C6orf132: variants seen among roughly 807,000 people sequenced by gnomAD.
C6orf132 encodes uncharacterized protein C6orf132.
C6orf132 carries 43 observed loss-of-function variants against 65.3 expected under a neutral mutation model. That is an observed-to-expected ratio of 0.66 (90% confidence interval 0.52 to 0.85). The LOEUF is 0.85. Among genes scored for constraint, C6orf132 ranks in the 40% least tolerant of loss-of-function variants. The pLI, the probability that C6orf132 is intolerant of heterozygous loss-of-function variation, is 0.00. For synonymous variants in C6orf132, 631 were observed against 654.1 expected (o/e 0.96, Z 0.54); for missense variants, 1,488 against 1,548.8 (o/e 0.96, Z 0.66).
intron 2 of C6orf132, among the ~76,000 whole-genome samples, chr6:42,122,215 C>T (rs1766699615): frequency 6.6e-6 from 1 of 152,220 alleles, no homozygotes; most frequent in Non-Finnish European, 1.5e-5. Flanking sequence ...CAGGTTACCA[C>T]AGCTTCTGCC....
intron 1 of C6orf132, among the ~76,000 whole-genome samples, chr6:42,131,706 C>T (rs1050124003): frequency 6.6e-6 from 1 of 152,208 alleles, no homozygotes; most frequent in Admixed American, 6.5e-5. Context: ...CGTCTGACCC[C>T]CAAGCAGGCG....
rs1766417748 is a variant in C6orf132 at position 42,106,819 on chromosome 6, C to T, written c.1093G>A (p.Glu365Lys). The T allele has an allele frequency of 1.3e-6, 2 of 1,535,180 alleles. No individual in the cohort carries two copies. Among genetic ancestry groups the T allele is most frequent in the Non-Finnish European group, 1.7e-6 (2 of 1,146,700 alleles). Residue 365 changes from glutamate (E) to lysine (K), a missense_variant, in exon 4 of 5, where the codon GAG (glutamate) becomes AAG (lysine). Glu to Lys is a moderately conservative substitution (Grantham distance 56). Transcript: ENST00000341865. The stretch of plus-strand genomic sequence containing the variant: ...CTGGCTGGTGCTGTGGCCTTGAGCT[C>T]CCCAGGGCAGTCTGGCTCGGGGGCC... ...DRAPEPDCPG[E>K]LKATAPASPR...
At chr6:42,136,893 C>CA (rs1562043064) in intron 1 of C6orf132, among the ~76,000 whole-genome samples, 1 of 152,156 alleles carries the variant, frequency 6.6e-6, no homozygotes, top group Non-Finnish European at 1.5e-5. Context: ...GCCGCCCCCC[C>CA]AGCCCTGCAG....
chr6:42,107,413 G>GT lies in C6orf132; in HGVS notation c.498dup (p.Pro167ThrfsTer47). The GT allele has an allele frequency of 6.7e-7, 1 of 1,495,956 alleles. No homozygotes were observed. Among genetic ancestry groups the GT allele is most frequent in the Non-Finnish European group, 9.0e-7 (1 of 1,112,302 alleles). 92.7% of individuals were successfully genotyped at this position (1,495,956 alleles called of 1,614,324 possible). A position where few individuals can be genotyped will look rare whatever the true frequency, so the allele number is the denominator to read the frequency against. ...GGAGGTGGTGGGGGTGCTGTGGAAGGTGGAGATGGCAGTGGCGACCCCCCT... is the reference window on the plus strand; with the variant it reads ...GGAGGTGGTGGGGGTGCTGTGGAAGGTTGGAGATGGCAGTGGCGACCCCCCT... On this transcript the variant is annotated frameshift_variant, in exon 4 of 5. Transcript: ENST00000341865. LOFTEE classifies it high-confidence loss of function.
intron 2 of C6orf132, among the ~76,000 whole-genome samples, chr6:42,120,058 C>T (rs1306454396): frequency 5.9e-5 from 9 of 151,692 alleles, no homozygotes. Flanking sequence ...CATGCCATTG[C>T]ACCCCAGCCT....
At chr6:42,138,045 G>A (rs548440195) in intron 1 of C6orf132, among the ~76,000 whole-genome samples, 275 of 152,276 alleles carry the variant, frequency 1.8e-3, no homozygotes, top group Non-Finnish European at 2.7e-3. Context: ...GCAACGGATC[G>A]AGACTCCGTC....
In C6orf132 at chr6:42,133,824, GGGGGCGGGGC is replaced by G. The variant is rs144503495; in HGVS notation, c.146-5056_146-5047del. Among the ~76,000 whole-genome samples the G allele has an allele frequency of 1.0e-3, 98 of 97,652 alleles. 3 individuals carry two copies. The South Asian group carries it at 0.029, about 28-fold the overall frequency. The allele number at this position is 97,652 out of a possible 152,430, so 64.1% of individuals were successfully genotyped here. A position where few individuals can be genotyped will look rare whatever the true frequency, so the allele number is the denominator to read the frequency against. ...CTCCCTCATAGAAGGAGACAGGGGC[GGGGGCGGGGC>G]GGGGCGGGGCGGGGGAGGTGGATTT... On this transcript the variant is annotated intron_variant, in intron 1 of 4. Coordinates refer to ENST00000341865, the MANE Select transcript of C6orf132 (RefSeq NM_001164446.3).
At chr6:42,108,998 A>C (rs1455057509) in intron 3 of C6orf132, among the ~76,000 whole-genome samples, 1 of 152,146 alleles carries the variant, frequency 6.6e-6, no homozygotes, top group Non-Finnish European at 1.5e-5. Flanking sequence ...AAAACAAAAA[A>C]CAGACAAACA....
chr6:42,125,380 T>G (rs1766748124), intron 2 of C6orf132, among the ~76,000 whole-genome samples: 1 of 152,174 alleles, frequency 6.6e-6, no homozygotes, highest in African/African-American at 2.4e-5. Flanking sequence ...AGGGTGGCTT[T>G]GTTAACACAC....
chr6:42,104,387 A>G lies in C6orf132; in HGVS notation c.3449+76T>C. ...AAAACCAAATGTTTTCTCTTGACGG[A>G]TGGCCGGGACTCCTTGGCCCTCGCC... On this transcript the variant is annotated intron_variant, in intron 4 of 4. Transcript: ENST00000341865. This position sits in a 1 kb window ranked among gnomAD's most constrained non-coding sequence, Gnocchi z 4.1. 6 of 1,226,318 alleles carry G rather than the reference A, an allele frequency of 4.9e-6. No individual in the cohort carries two copies. Among genetic ancestry groups the G allele is most frequent in the Non-Finnish European group, 6.1e-6 (6 of 984,848 alleles). 76.0% of individuals were successfully genotyped at this position (1,226,318 alleles called of 1,614,324 possible). A position where few individuals can be genotyped will look rare whatever the true frequency, so the allele number is the denominator to read the frequency against.
intron 2 of C6orf132, among the ~76,000 whole-genome samples, chr6:42,112,600 C>T (rs1766511870): frequency 1.3e-5 from 2 of 152,210 alleles, no homozygotes; most frequent in Non-Finnish European, 2.9e-5. Flanking sequence ...CCCCTGTCCG[C>T]ACCACACTGA....
At chr6:42,120,515 G>C (rs1766664702) in intron 2 of C6orf132, among the ~76,000 whole-genome samples, 1 of 151,928 alleles carries the variant, frequency 6.6e-6, no homozygotes, top group African/African-American at 2.4e-5. Flanking sequence ...CAAAGTGCTG[G>C]GATTACAGGC....
At chr6:42,127,170 G>T (rs914679875) in intron 2 of C6orf132, among the ~76,000 whole-genome samples, 1 of 152,146 alleles carries the variant, frequency 6.6e-6, no homozygotes, top group African/African-American at 2.4e-5. Context: ...GCCCAGGCTA[G>T]TCTTGAACTC....
rs138084611 is a variant in C6orf132 at position 42,120,624 on chromosome 6, G to A, written c.252+8048C>T. Among the ~76,000 whole-genome samples, 990 of 151,280 alleles carry A rather than the reference G, an allele frequency of 6.5e-3. 14 individuals are homozygous for A. Among genetic ancestry groups the A allele is most frequent in the African/African-American group, 0.023 (943 of 41,244 alleles). On this transcript the variant is annotated intron_variant, in intron 2 of 4. Coordinates refer to ENST00000341865, the MANE Select transcript of C6orf132 (RefSeq NM_001164446.3). ...CAATACAATAATAGTGTGTTTTTTGGGGTTTTTTGTTTTTGTTTTTTGAGA... is the reference window on the plus strand; with the variant it reads ...CAATACAATAATAGTGTGTTTTTTGAGGTTTTTTGTTTTTGTTTTTTGAGA...
Position 42,107,307 on chromosome 6 carries a change from G to T in C6orf132, c.605C>A (p.Thr202Asn). Residue 202 changes from threonine (T) to asparagine (N), a missense_variant, in exon 4 of 5, where the codon ACT becomes AAT. Thr to Asn is a moderately conservative substitution (Grantham distance 65, BLOSUM62 0). Coordinates refer to ENST00000341865, the MANE Select transcript of C6orf132 (RefSeq NM_001164446.3). ...PVLEALSPPH[T>N]LSSPSIPTPP... ...GGTGGGTATGGATGGGGAGGAAAGA[G>T]TGTGTGGTGGGGATAGGGCCTCCAA... is the stretch of plus-strand genomic sequence containing the variant. 1.5e-6 allele frequency: 2 copies of T among 1,373,904 alleles called. No homozygotes were observed. Among genetic ancestry groups the T allele is most frequent in the Non-Finnish European group, 1.9e-6 (2 of 1,049,706 alleles). The allele number at this position is 1,373,904 out of a possible 1,614,324, so 85.1% of individuals were successfully genotyped here. A position where few individuals can be genotyped will look rare whatever the true frequency, so the allele number is the denominator to read the frequency against.
intron 1 of C6orf132, among the ~76,000 whole-genome samples, chr6:42,137,813 G>A (rs1307373984): frequency 1.5e-5 from 2 of 136,240 alleles, no homozygotes; most frequent in Non-Finnish European, 3.3e-5. Flanking sequence ...GCCGAGGCAG[G>A]GGCGGGGGCG....
chr6:42,140,491 T>C (rs1767015288), intron 1 of C6orf132, among the ~76,000 whole-genome samples: 1 of 152,212 alleles, frequency 6.6e-6, no homozygotes, highest in Non-Finnish European at 1.5e-5. Flanking sequence ...GCAAACCCGC[T>C]AAGAGTGTGA....
rs36124736 is a variant in C6orf132 at position 42,119,341 on chromosome 6, C to CTTTTT, written c.253-9055_253-9051dup. On this transcript the variant is annotated intron_variant, in intron 2 of 4. Coordinates refer to ENST00000341865, the MANE Select transcript of C6orf132 (RefSeq NM_001164446.3). Reference sequence around the variant, plus strand: ...CAAGCCACCATGCCCAGCTTTCCAGCTTTTTTTTTTTTTTTTTTTTTGAGA... The same window carrying CTTTTT: ...CAAGCCACCATGCCCAGCTTTCCAGCTTTTTTTTTTTTTTTTTTTTTTTTTTGAGA... Among the ~76,000 whole-genome samples, 12 of 78,214 alleles carry CTTTTT rather than the reference C, an allele frequency of 1.5e-4. 1 individual carries two copies. Among genetic ancestry groups the CTTTTT allele is most frequent in the African/African-American group, 2.2e-4 (4 of 18,302 alleles). 51.3% of individuals were successfully genotyped at this position (78,214 alleles called of 152,430 possible). A position where few individuals can be genotyped will look rare whatever the true frequency, so the allele number is the denominator to read the frequency against.
chr6:42,116,512 A>G (rs1766582659), intron 2 of C6orf132, among the ~76,000 whole-genome samples: 1 of 152,048 alleles, frequency 6.6e-6, no homozygotes. Context: ...CCAGATGAAC[A>G]GACTCCCTTT....
Sources: gnomAD v4.1 joint callset for allele counts (sites outside exome capture counted in the v4.1 genomes callset) on GRCh38, gnomAD v4.1.1 for gene constraint, Gnocchi (gnomAD v3.1) non-coding constraint, MANE v1.5 for transcripts, NCBI Gene and HGNC (gene_info 2026-07-23, HGNC 2026-07-21) for gene names.